SETBP1: variants seen among roughly 807,000 people sequenced by gnomAD.
SETBP1 encodes SET-binding protein.
In SETBP1, 9 loss-of-function variants were observed where a neutral mutation model predicts 101.0. That is an observed-to-expected ratio of 0.09 (90% CI 0.05 to 0.16). The LOEUF is 0.16. SETBP1 is among the 10% of genes least tolerant of loss of function. The pLI is 1.00. For synonymous variants in SETBP1, 818 were observed against 788.5 expected, an observed-to-expected ratio of 1.04 and a Z score of -0.63; for missense variants, 1,858 against 2,033.8, an observed-to-expected ratio of 0.91 and a Z score of 1.66.
At chr18:44,981,657 C>T (rs2072115596) in intron 4 of SETBP1, among the ~76,000 whole-genome samples, 1 of 152,170 alleles carries the variant, frequency 6.6e-6, no homozygotes. Flanking sequence ...GGCTGCCTTG[C>T]CCACATTTAC....
At chr18:44,706,455 G>A (rs1289960966) in intron 2 of SETBP1, among the ~76,000 whole-genome samples, 1 of 151,742 alleles carries the variant, frequency 6.6e-6, no homozygotes, top group East Asian at 1.9e-4. Flanking sequence ...GCATGGGGTG[G>A]TGAATGCCTA....
intron 4 of SETBP1, among the ~76,000 whole-genome samples, chr18:45,017,399 A>T (rs1305041249): frequency 6.6e-6 from 1 of 152,208 alleles, no homozygotes; most frequent in East Asian, 1.9e-4. Flanking sequence ...TTTTGGCAGG[A>T]AAATGATCAC....
At chr18:44,799,463 A>G (rs1416559465) in intron 2 of SETBP1, among the ~76,000 whole-genome samples, 5 of 152,124 alleles carry the variant, frequency 3.3e-5, no homozygotes, top group Admixed American at 6.6e-5. Context: ...CTTACCTCCT[A>G]AAACTCATCT....
chr18:44,684,075 G>A (rs2068799135), intron 1 of SETBP1, among the ~76,000 whole-genome samples: 2 of 152,296 alleles, frequency 1.3e-5, no homozygotes, highest in Admixed American at 1.3e-4. Flanking sequence ...AAGAAAGGAA[G>A]CCTCACAGAG....
At chr18:44,732,757 A>G (rs1037940) in intron 2 of SETBP1, 120,835 of 152,100 alleles carry the variant, frequency 0.79, 48,073 homozygotes, top group Admixed American at 0.83. Flanking sequence ...TCCAGGAAGA[A>G]CCAGTACAGA....
At chr18:44,824,221 A>G (rs1202225786) in intron 2 of SETBP1, among the ~76,000 whole-genome samples, 1 of 152,148 alleles carries the variant, frequency 6.6e-6, no homozygotes, top group Non-Finnish European at 1.5e-5. Flanking sequence ...GCTTCTCTGC[A>G]AAGTTCAACC....
chr18:45,059,356 T>C (rs1732336678), intron 5 of SETBP1, among the ~76,000 whole-genome samples: 1 of 152,218 alleles, frequency 6.6e-6, no homozygotes, highest in Non-Finnish European at 1.5e-5. Context: ...CGGAAATTAA[T>C]AGTAGTTACA....
chr18:44,956,651 G>T (rs1399725466), intron 4 of SETBP1, among the ~76,000 whole-genome samples: 1 of 152,134 alleles, frequency 6.6e-6, no homozygotes, highest in Non-Finnish European at 1.5e-5. Flanking sequence ...TTTTTAGCCT[G>T]TTGAGGATGA....
At chr18:44,991,687 CG>C (rs1326320145) in intron 4 of SETBP1, among the ~76,000 whole-genome samples, 1 of 152,094 alleles carries the variant, frequency 6.6e-6, no homozygotes, top group Non-Finnish European at 1.5e-5. Flanking sequence ...ACTTGATCTT[CG>C]AATGGAACAT....
chr18:45,008,209 A>C (rs952980076), intron 4 of SETBP1, among the ~76,000 whole-genome samples: 7 of 152,200 alleles, frequency 4.6e-5, no homozygotes, highest in Admixed American at 2.0e-4. Context: ...CTAGGGGACA[A>C]GAGGTTTTCT....
chr18:44,884,881 T>C (rs2069605476), intron 3 of SETBP1, among the ~76,000 whole-genome samples: 5 of 152,156 alleles, frequency 3.3e-5, no homozygotes, highest in Admixed American at 3.3e-4. Flanking sequence ...AAACATAAAA[T>C]ATGCATCTCT....
At chr18:45,012,824 C>T (rs1599446825) in intron 4 of SETBP1, among the ~76,000 whole-genome samples, 1 of 152,096 alleles carries the variant, frequency 6.6e-6, no homozygotes, top group East Asian at 1.9e-4. Context: ...TACACATGGA[C>T]ATAGATTGTG....
chr18:44,683,232 A>G (rs1259568816), intron 1 of SETBP1, among the ~76,000 whole-genome samples: 1 of 152,238 alleles, frequency 6.6e-6, no homozygotes, highest in African/African-American at 2.4e-5. Context: ...TGGACATCAC[A>G]CAGGGGAACC....
At chr18:44,771,382 C>T (rs1057118517) in intron 2 of SETBP1, among the ~76,000 whole-genome samples, 3 of 150,266 alleles carry the variant, frequency 2.0e-5, no homozygotes, top group African/African-American at 7.4e-5. Flanking sequence ...GAAAGAGGAC[C>T]CTCACCAGAG....
At chr18:45,043,482 A>G (rs1023048762) in intron 5 of SETBP1, among the ~76,000 whole-genome samples, 3 of 151,862 alleles carry the variant, frequency 2.0e-5, no homozygotes, top group African/African-American at 7.3e-5. Flanking sequence ...CTATCATTGG[A>G]TCTCAACTGC....
intron 2 of SETBP1, among the ~76,000 whole-genome samples, chr18:44,822,801 A>G (rs972510699): frequency 2.0e-5 from 3 of 152,186 alleles, no homozygotes; most frequent in South Asian, 2.1e-4. Flanking sequence ...CCACTAGTAC[A>G]CATATACATG....
chr18:44,779,468 T>A (rs758861828), intron 2 of SETBP1, among the ~76,000 whole-genome samples: 2 of 152,208 alleles, frequency 1.3e-5, no homozygotes, highest in African/African-American at 2.4e-5. Context: ...CTTCAGCATG[T>A]ATGAGGTTCC....
Position 44,952,862 on chromosome 18 carries a change from T to A in SETBP1, c.3522T>A (p.Phe1174Leu), listed in dbSNP as rs1161469157. The change falls in exon 4 of 6, where the codon TTT becomes TTA. Residue 1174 changes from phenylalanine to leucine, a missense_variant. Coordinates refer to ENST00000649279, the MANE Select transcript of SETBP1 (RefSeq NM_015559.3). The part of the protein sequence containing the change: ...LGTHDNLSGL[F>L]AGKATGFSSH... ...CCCATGACAACCTGAGTGGTCTTTT[T>A]GCAGGCAAAGCCACAGGCTTCTCCA... 6.2e-7 allele frequency: 1 copy of A among 1,614,130 alleles called. No individual in the cohort carries two copies. The highest frequency in any genetic ancestry group is 1.1e-5 in the South Asian group (1 of 91,082).
chr18:44,960,109 C>T (rs2071578951), intron 4 of SETBP1, among the ~76,000 whole-genome samples: 1 of 152,026 alleles, frequency 6.6e-6, no homozygotes, highest in South Asian at 2.1e-4. Flanking sequence ...GTTGGCCGGG[C>T]TTGTCTTGAA....
Sources: allele counts gnomAD v4.1 joint callset (sites outside exome capture counted in the v4.1 genomes callset), GRCh38; gene constraint gnomAD v4.1.1; transcripts MANE v1.5; gene names NCBI Gene and HGNC (gene_info 2026-07-23, HGNC 2026-07-21).